The following PDE7B variants were observed in gnomAD, a reference collection of about 807,000 sequenced individuals.
The protein encoded by PDE7B is 3',5'-cyclic-AMP phosphodiesterase 7B.
PDE7B carries 29 observed loss-of-function variants against 56.2 expected under a neutral mutation model. The observed-to-expected ratio is 0.52, with a 90% CI of 0.38 to 0.70. The LOEUF is 0.70. PDE7B is among the 30% of genes least tolerant of loss of function. The pLI, the probability that PDE7B is intolerant of heterozygous loss-of-function variation, is 0.00. For missense variants in PDE7B, 490 were observed against 565.0 expected, an observed-to-expected ratio of 0.87 and a Z score of 1.35; for synonymous variants, 197 against 196.9, an observed-to-expected ratio of 1.00 and a Z score of 0.00.
intron 1 of PDE7B, among the ~76,000 whole-genome samples, chr6:135,931,479 A>T (rs1018635145): frequency 1.3e-5 from 2 of 152,214 alleles, no homozygotes; most frequent in Non-Finnish European, 2.9e-5. Flanking sequence ...TGTTGGCATC[A>T]GTTAAAGTGA....
chr6:135,974,318 GTA>G (rs1472884182), intron 2 of PDE7B, among the ~76,000 whole-genome samples: 4 of 137,816 alleles, frequency 2.9e-5, no homozygotes, highest in African/African-American at 9.8e-5. Context: ...ATAAATGTGT[GTA>G]TGTGTGTGTG....
At chr6:135,998,162 G>A (rs1729251042) in intron 2 of PDE7B, among the ~76,000 whole-genome samples, 1 of 151,832 alleles carries the variant, frequency 6.6e-6, no homozygotes, top group African/African-American at 2.4e-5. Context: ...ATTTTTTGGA[G>A]GAGAAAAAGA....
intron 3 of PDE7B, among the ~76,000 whole-genome samples, chr6:136,133,168 C>T (rs1405155577): frequency 6.6e-6 from 1 of 151,708 alleles, no homozygotes; most frequent in Non-Finnish European, 1.5e-5. Context: ...AGCAGCATGG[C>T]ACATGTATAC....
At position 136,191,916 on chromosome 6, in the gene PDE7B, C is replaced by A; in HGVS notation, c.*76C>A. ...CAGAAGCAGCGTGGAGGGGCCCTCA[C>A]GCAGCAGCCCAGCCACTTTCTGAGT... On this transcript the variant is annotated 3_prime_UTR_variant, in exon 13 of 13. Transcript: ENST00000308191. The A allele has an allele frequency of 7.4e-6, 8 of 1,087,756 alleles. No homozygotes were observed. The highest frequency in any genetic ancestry group is 1.1e-5 in the Non-Finnish European group (8 of 746,340). The allele number at this position is 1,087,756 out of a possible 1,614,324, so 67.4% of individuals were successfully genotyped here.
intron 1 of PDE7B, among the ~76,000 whole-genome samples, chr6:135,855,345 G>GTTGAGTATGAATAT (rs1173657581): frequency 6.6e-6 from 1 of 152,060 alleles, no homozygotes; most frequent in African/African-American, 2.4e-5. Context: ...ACGTATTCTG[G>GTTGAGTATGAATAT]TTGAGTATGA....
At chr6:136,126,734 T>C (rs1359563201) in intron 3 of PDE7B, among the ~76,000 whole-genome samples, 1 of 152,126 alleles carries the variant, frequency 6.6e-6, no homozygotes, top group Non-Finnish European at 1.5e-5. Context: ...TTCTCACTCA[T>C]AAGTGAGAGC....
At chr6:136,104,928 C>T (rs1462254555) in intron 2 of PDE7B, among the ~76,000 whole-genome samples, 1 of 152,096 alleles carries the variant, frequency 6.6e-6, no homozygotes, top group Non-Finnish European at 1.5e-5. Context: ...GTATGGTTTC[C>T]TTATTTGTTG....
At chr6:136,091,577 A>G (rs548579018) in intron 2 of PDE7B, among the ~76,000 whole-genome samples, 100 of 152,326 alleles carry the variant, frequency 6.6e-4, no homozygotes, top group African/African-American at 2.3e-3. Flanking sequence ...GAGTAGTAAG[A>G]TTCTCTGAAC....
At chr6:135,873,084 C>T (rs1009611431) in intron 1 of PDE7B, among the ~76,000 whole-genome samples, 10 of 152,084 alleles carry the variant, frequency 6.6e-5, no homozygotes, top group South Asian at 2.1e-4. Flanking sequence ...TCCATGTATA[C>T]GATTGCTCCA....
intron 1 of PDE7B, among the ~76,000 whole-genome samples, chr6:135,875,692 T>C (rs1775478499): frequency 6.6e-6 from 1 of 152,214 alleles, no homozygotes; most frequent in African/African-American, 2.4e-5. Flanking sequence ...TTGAAGGGTA[T>C]GTAAGTGGTA....
At chr6:136,116,417 TTAAC>T (rs1777832193) in intron 3 of PDE7B, among the ~76,000 whole-genome samples, 2 of 152,164 alleles carry the variant, frequency 1.3e-5, no homozygotes, top group Admixed American at 6.5e-5. Context: ...TTTGAGAAAA[TTAAC>T]TAACATCCAT....
intron 1 of PDE7B, among the ~76,000 whole-genome samples, chr6:135,852,558 A>G (rs1181717819): frequency 6.6e-6 from 1 of 152,220 alleles, no homozygotes; most frequent in Non-Finnish European, 1.5e-5. Context: ...GAAAAAAATC[A>G]ATAGAAGATG....
intron 12 of PDE7B, among the ~76,000 whole-genome samples, 190 bp from the exon 13 acceptor site, chr6:136,191,424 T>C (rs1779222766): frequency 6.6e-6 from 1 of 152,212 alleles, no homozygotes; most frequent in South Asian, 2.1e-4. Flanking sequence ...CCCAGCACTT[T>C]GGGAGGCCGA....
chr6:136,116,394 G>A (rs561027511), intron 3 of PDE7B, among the ~76,000 whole-genome samples: 24 of 152,312 alleles, frequency 1.6e-4, no homozygotes, highest in Non-Finnish European at 2.8e-4. Context: ...AAGGTGAACC[G>A]TATAAAACAC....
intron 2 of PDE7B, among the ~76,000 whole-genome samples, chr6:136,057,651 T>C (rs1776761159): frequency 6.6e-6 from 1 of 152,218 alleles, no homozygotes; most frequent in Non-Finnish European, 1.5e-5. Context: ...ATGGTATGAA[T>C]GGCCACTTAA....
At position 135,852,073 on chromosome 6, in the gene PDE7B, A is replaced by G. The variant is rs1774951314; in HGVS notation, c.21+54A>G. On this transcript the variant is annotated intron_variant, in intron 1 of 12. Transcript: ENST00000308191. ...TCAGTTTTCTTGAGAGAATAGAGTC[A>G]CAGAGAGATGGCAGGATTTTTATTT... is the stretch of plus-strand genomic sequence containing the variant. 1.4e-5 allele frequency: 17 copies of G among 1,203,856 alleles called. 1 individual carries two copies. The African/African-American group carries it at 1.8e-4, about 13-fold the overall frequency. 74.6% of individuals were successfully genotyped at this position (1,203,856 alleles called of 1,614,324 possible).
chr6:135,910,523 C>G (rs1468161020), intron 1 of PDE7B, among the ~76,000 whole-genome samples: 1 of 152,180 alleles, frequency 6.6e-6, no homozygotes, highest in African/African-American at 2.4e-5. Flanking sequence ...GCATAGCCTC[C>G]TCCATTATCC....
chr6:135,973,654 G>A (rs1202376831), intron 2 of PDE7B, among the ~76,000 whole-genome samples: 1 of 152,028 alleles, frequency 6.6e-6, no homozygotes, highest in East Asian at 1.9e-4. Flanking sequence ...TTTCTCATAA[G>A]AGCCATCCTG....
rs1779261012 is a variant in PDE7B, at chr6:136,193,417, A to G, written c.*1577A>G. ...TTATAACAGACTTTACCTTCCTGGCAGGTCATTGTAGTTAATTATGTCTCT... is the reference window on the plus strand; with the variant it reads ...TTATAACAGACTTTACCTTCCTGGCGGGTCATTGTAGTTAATTATGTCTCT... On this transcript the variant is annotated 3_prime_UTR_variant, in exon 13 of 13. Transcript: ENST00000308191. 6.7e-6 allele frequency: 1 copy of G among 149,170 alleles called. No homozygotes were observed. The highest frequency in any genetic ancestry group is 1.5e-5 in the Non-Finnish European group (1 of 68,032). 9.2% of individuals were successfully genotyped at this position (149,170 alleles called of 1,614,324 possible). A position where few individuals can be genotyped will look rare whatever the true frequency, so the allele number is the denominator to read the frequency against.
Sources: allele counts gnomAD v4.1 joint callset (sites outside exome capture counted in the v4.1 genomes callset), GRCh38; gene constraint gnomAD v4.1.1; transcripts MANE v1.5; gene names NCBI Gene and HGNC (gene_info 2026-07-23, HGNC 2026-07-21).